The following OSBPL2 variants were observed in gnomAD, a reference collection of about 807,000 sequenced individuals.
OSBPL2 encodes the protein oxysterol binding protein like 2, also known as oxysterol-binding protein-related protein 2.
Under a neutral mutation model 58.4 loss-of-function variants are expected in OSBPL2, and 18 were observed. The observed-to-expected ratio is 0.31, with a 90% CI of 0.21 to 0.46. The LOEUF is 0.46. Ranked by LOEUF, OSBPL2 falls within the 20% of genes least tolerant of loss-of-function variation. The pLI, the probability that OSBPL2 is intolerant of heterozygous loss-of-function variation, is 1.00. For missense variants in OSBPL2, 461 were observed against 616.5 expected, an observed-to-expected ratio of 0.75 and a Z score of 2.67; for synonymous variants, 221 against 234.1, an observed-to-expected ratio of 0.94 and a Z score of 0.51.
Position 62,259,546 on chromosome 20 carries a change from C to T in OSBPL2, c.38-435C>T, listed in dbSNP as rs572764363. 1.3e-4 allele frequency among the ~76,000 whole-genome samples: 20 copies of T among 152,294 alleles called. No homozygotes were observed. In the South Asian group the frequency reaches 3.5e-3, roughly 27 times the overall value. On this transcript the variant is annotated intron_variant, in intron 2 of 13. Transcript: ENST00000313733. ...TCTCCCTTGAAACACTGTCAGCAGG[C>T]GTGTTTCAGACCAAGACGCAGACCT... is the stretch of plus-strand genomic sequence containing the variant.
intron 6 of OSBPL2, 144 bp downstream of exon 6, chr20:62,273,550 T>C (rs776690794): frequency 1.3e-5 from 9 of 694,510 alleles, no homozygotes; most frequent in Non-Finnish European, 1.9e-5. Flanking sequence ...GTTTGGATGC[T>C]GTAGGCGAGA....
rs1230586990 is a variant in OSBPL2 at position 62,269,068 on chromosome 20, A to G, written c.259-3057A>G. On this transcript the variant is annotated intron_variant, in intron 4 of 13. Transcript: ENST00000313733. This position sits in a 1 kb window ranked among gnomAD's most constrained non-coding sequence, Gnocchi z 4.2. ...TGTGAGACTCCAACTCAAAAAAAAA[A>G]AAAATGTTTTTTTGTAGAGACGGGG... is the stretch of plus-strand genomic sequence containing the variant. 6.6e-6 allele frequency among the ~76,000 whole-genome samples: 1 copy of G among 152,110 alleles called. No homozygotes were observed. Among genetic ancestry groups the G allele is most frequent in the Non-Finnish European group, 1.5e-5 (1 of 68,020 alleles).
intron 1 of OSBPL2, among the ~76,000 whole-genome samples, chr20:62,254,445 C>A (rs1406814743): frequency 6.6e-6 from 1 of 152,250 alleles, no homozygotes; most frequent in East Asian, 1.9e-4. Flanking sequence ...CAAGGGCAAG[C>A]ACACCCTGGC....
rs761000829 is a variant in OSBPL2, at chr20:62,286,701, A to T, written c.1115A>T (p.Asn372Ile). 3.7e-6 allele frequency: 6 copies of T among 1,612,060 alleles called. No homozygotes were observed. Among genetic ancestry groups the T allele is most frequent in the Non-Finnish European group, 4.2e-6 (5 of 1,179,060 alleles). Residue 372 changes from asparagine to isoleucine, a missense_variant, in exon 11 of 14, where the codon AAC (asparagine) becomes ATC (isoleucine). Transcript: ENST00000313733. ...TGGAGGATCAACACCCGGCCCCCCA[A>T]CTCTGCCCAGGTCTGTGTCCCTCCA... is the stretch of plus-strand genomic sequence containing the variant. ...LLWRINTRPP[N>I]SAQMYNFTSF... is the part of the protein sequence containing the mutation.
intron 4 of OSBPL2, chr20:62,271,544 T>G (rs1982057811): frequency 6.5e-6 from 1 of 152,918 alleles, no homozygotes; most frequent in South Asian, 2.1e-4. Context: ...CTTCACCTCC[T>G]GGGTTCAAGC....
intron 11 of OSBPL2, among the ~76,000 whole-genome samples, chr20:62,287,663 C>T (rs943923670): frequency 1.3e-5 from 2 of 152,100 alleles, no homozygotes; most frequent in African/African-American, 4.8e-5. Flanking sequence ...GCTATGTTGC[C>T]CAGGCTGGTC....
chr20:62,244,239 G>A (rs996749962), intron 1 of OSBPL2, among the ~76,000 whole-genome samples: 2 of 152,178 alleles, frequency 1.3e-5, no homozygotes, highest in Non-Finnish European at 2.9e-5. Context: ...CTCCCTCACC[G>A]CGTCCTCCGC....
chr20:62,256,659 A>C (rs557003154), intron 2 of OSBPL2, among the ~76,000 whole-genome samples: 1 of 152,224 alleles, frequency 6.6e-6, no homozygotes, highest in African/African-American at 2.4e-5. Flanking sequence ...AAGTGGCGGC[A>C]TGCAGCCTGT....
intron 4 of OSBPL2, 62 bp downstream of exon 4, chr20:62,263,753 C>A: frequency 6.9e-7 from 1 of 1,443,024 alleles, no homozygotes; most frequent in East Asian, 2.3e-5. Flanking sequence ...GAAGGTATTG[C>A]AGTGCTGGTG....
intron 2 of OSBPL2, among the ~76,000 whole-genome samples, chr20:62,259,416 C>G (rs1981147664): frequency 6.6e-6 from 1 of 152,198 alleles, no homozygotes; most frequent in Non-Finnish European, 1.5e-5. Context: ...TCTCCAGAGT[C>G]CCCCTTCATC....
At position 62,260,096 on chromosome 20, in the gene OSBPL2, C is replaced by A. The variant is rs1441420937; in HGVS notation, c.153C>A (p.Pro51=). 8.1e-6 allele frequency: 13 copies of A among 1,613,852 alleles called. No individual in the cohort carries two copies. Among genetic ancestry groups the A allele is most frequent in the Admixed American group, 1.7e-5 (1 of 59,980 alleles). Residue 51 remains proline, a synonymous_variant, in exon 3 of 14, where the codon CCC becomes CCA. Coordinates refer to ENST00000313733, the MANE Select transcript of OSBPL2 (RefSeq NM_144498.4). ...GGATTGGGAAAACTGGGGAGAGGCC[C>A]TCTCAAGAGAACGGAATTCAGAAAC... ...NNRIGKTGER[P]SQENGIQKHR...
intron 7 of OSBPL2, 82 bp from the exon 8 acceptor site, chr20:62,280,976 C>A: frequency 9.1e-7 from 1 of 1,103,790 alleles, no homozygotes; most frequent in Non-Finnish European, 1.4e-6. Context: ...GTGACCCAGC[C>A]CCGCCTGGTC....
chr20:62,291,528 C>A, intron 12 of OSBPL2, 175 bp from the exon 13 acceptor site: 2 of 659,750 alleles, frequency 3.0e-6, no homozygotes, highest in Non-Finnish European at 2.7e-6. Flanking sequence ...GTTGGCGTGC[C>A]GGCCGCTGTG....
chr20:62,246,522 C>G (rs1266850611), intron 1 of OSBPL2, among the ~76,000 whole-genome samples: 1 of 152,186 alleles, frequency 6.6e-6, no homozygotes, highest in African/African-American at 2.4e-5. Flanking sequence ...GGCTTCTAGG[C>G]GTCCGGGTGA....
intron 5 of OSBPL2, 21 bp downstream of exon 5, chr20:62,272,280 G>T: frequency 6.2e-7 from 1 of 1,609,934 alleles, no homozygotes; most frequent in Non-Finnish European, 8.5e-7. Context: ...GGGGTGCCAG[G>T]CAGGAGTTTG....
intron 1 of OSBPL2, among the ~76,000 whole-genome samples, chr20:62,241,634 G>A (rs1979746356): frequency 6.6e-6 from 1 of 152,228 alleles, no homozygotes; most frequent in African/African-American, 2.4e-5. Context: ...CAGGGCTCTT[G>A]GGTCCTGGGT....
At chr20:62,259,907 C>T in intron 2 of OSBPL2, 74 bp from the exon 3 acceptor site, 5 of 1,395,258 alleles carry the variant, frequency 3.6e-6, no homozygotes, top group South Asian at 1.3e-5. Context: ...CTTGCATAGT[C>T]AGAATTCTTG....
rs1981898874 is a variant in OSBPL2, at chr20:62,269,308, G to A, written c.259-2817G>A. Among the ~76,000 whole-genome samples the A allele has an allele frequency of 6.6e-6, 1 of 152,198 alleles. No individual in the cohort carries two copies. Among genetic ancestry groups the A allele is most frequent in the Non-Finnish European group, 1.5e-5 (1 of 68,036 alleles). ...ATACGGGTCATTTCTGATCTTTCAT[G>A]GATCCAGCCGTGCGGCAGCAAAGAG... is the stretch of plus-strand genomic sequence containing the variant. On this transcript the variant is annotated intron_variant, in intron 4 of 13. Transcript: ENST00000313733. This position sits in a 1 kb window ranked among gnomAD's most constrained non-coding sequence, Gnocchi z 4.2.
intron 12 of OSBPL2, among the ~76,000 whole-genome samples, chr20:62,290,069 C>T (rs894553916): frequency 6.6e-6 from 1 of 152,160 alleles, no homozygotes; most frequent in Admixed American, 6.5e-5. Context: ...ACGTGTGTGG[C>T]GTGTCCTGCA....
Sources: allele counts gnomAD v4.1 joint callset (sites outside exome capture counted in the v4.1 genomes callset), GRCh38; gene constraint gnomAD v4.1.1; non-coding constraint Gnocchi (gnomAD v3.1); transcripts MANE v1.5; gene names NCBI Gene and HGNC (gene_info 2026-07-23, HGNC 2026-07-21).